The following TPP1 variants were observed in gnomAD, a reference collection of about 807,000 sequenced individuals.
TPP1 encodes the protein tripeptidyl-peptidase 1.
TPP1 carries 43 observed loss-of-function variants against 67.6 expected under a neutral mutation model. The ratio of observed to expected loss-of-function variants is 0.64; its 90% CI spans 0.50 to 0.82. TPP1 has a LOEUF of 0.82. Ranked by LOEUF, TPP1 falls within the 40% of genes least tolerant of loss-of-function variation. The pLI, the probability that TPP1 is intolerant of heterozygous loss-of-function variation, is 0.00. For synonymous variants in TPP1, 272 were observed against 281.5 expected (o/e 0.97, Z 0.34); for missense variants, 671 against 710.9 (o/e 0.94, Z 0.64).
chr11:6,618,579 C>T (rs1364432584), intron 3 of TPP1, 197 bp downstream of exon 3: 1 of 699,104 alleles, frequency 1.4e-6, no homozygotes, highest in African/African-American at 1.8e-5. Context: ...TGCCTGGTAG[C>T]TAGTAAGTAG....
chr11:6,615,961 T>G, intron 9 of TPP1, 44 bp downstream of exon 9: 1 of 1,599,520 alleles, frequency 6.3e-7, no homozygotes, highest in Non-Finnish European at 8.6e-7. Context: ...AGATCACAAG[T>G]GAAAGGTGGT....
intron 3 of TPP1, chr11:6,618,469 A>G (rs140431462): frequency 1.0e-3 from 579 of 574,740 alleles, no homozygotes; most frequent in Non-Finnish European, 1.5e-3. Flanking sequence ...GATTAATCCA[A>G]AGGCTCTTTG....
At chr11:6,614,746 C>T (rs1209693582) in intron 12 of TPP1, 60 bp from the exon 13 acceptor site, 1 of 1,613,782 alleles carries the variant, frequency 6.2e-7, no homozygotes, top group African/African-American at 1.3e-5. Flanking sequence ...AAGAGTATAT[C>T]TCCTCACCCT....
rs1282555591 is a variant in TPP1 at position 6,615,548 on chromosome 11, G to A, written c.1160C>T (p.Thr387Ile). The stretch of plus-strand genomic sequence containing the variant: ...TTCCTGGAAGGATGTGCCTCCCACT[G>A]TGGTGACATAGGGGCTGAGGGGAGA... ...TFPASSPYVTTVGGTSFQEPF... is the reference protein window; with the variant it reads ...TFPASSPYVTIVGGTSFQEPF... The change falls in exon 10 of 13, where the codon ACA becomes ATA. Residue 387 changes from threonine (T) to isoleucine (I), a missense_variant. By Grantham distance (89) the Thr-to-Ile change is moderately conservative (BLOSUM62 -1). Transcript: ENST00000299427. 6.2e-7 allele frequency: 1 copy of A among 1,614,174 alleles called. No individual in the cohort carries two copies. The highest frequency in any genetic ancestry group is 1.7e-5 in the Admixed American group (1 of 60,026).
chr11:6,616,166 G>T, intron 8 of TPP1, 92 bp from the exon 9 acceptor site: 1 of 1,583,730 alleles, frequency 6.3e-7, no homozygotes, highest in Non-Finnish European at 8.7e-7. Flanking sequence ...ACTGTAGGAG[G>T]TCAGAGTGTA....
Position 6,617,113 on chromosome 11 carries a change from C to T in TPP1, c.549G>A (p.Arg183=), listed in dbSNP as rs1855598829. The T allele has an allele frequency of 3.1e-6, 5 of 1,613,998 alleles. No individual in the cohort carries two copies. Among genetic ancestry groups the T allele is most frequent in the Non-Finnish European group, 4.2e-6 (5 of 1,180,020 alleles). ...LHRFPPTSSL[R]QRPEPQVTGT... is the part of the protein sequence containing the mutation. ...CTGTCACCTGCGGCTCAGGACGTTG[C>T]CTCAGGGATGATGTTGGGGGAAAAC... is the stretch of plus-strand genomic sequence containing the variant. Residue 183 remains arginine, a synonymous_variant, in exon 6 of 13, where the codon AGG becomes AGA. Transcript: ENST00000299427.
chr11:6,615,821 C>G, intron 9 of TPP1, 184 bp downstream of exon 9: 1 of 807,554 alleles, frequency 1.2e-6, no homozygotes, highest in South Asian at 1.5e-5. Flanking sequence ...GGAGCTGTAT[C>G]CCACACAAGA....
At chr11:6,615,037 T>C in intron 11 of TPP1, 46 bp from the exon 12 acceptor site, 1 of 1,613,706 alleles carries the variant, frequency 6.2e-7, no homozygotes, top group Non-Finnish European at 8.5e-7. Flanking sequence ...TCTGAGTGAT[T>C]GGACTTTTTG....
At chr11:6,618,043 A>G (rs1268078436) in intron 3 of TPP1, 6 of 542,680 alleles carry the variant, frequency 1.1e-5, no homozygotes, top group Non-Finnish European at 2.0e-5. Flanking sequence ...GATCATGAAA[A>G]TGAATGAGGT....
chr11:6,615,774 C>G, intron 9 of TPP1: 1 of 780,872 alleles, frequency 1.3e-6, no homozygotes, highest in Non-Finnish European at 2.1e-6. Context: ...CCAAATCTTC[C>G]ACTAAAATGC....
Position 6,616,455 on chromosome 11 carries a change from C to T in TPP1, c.935G>A (p.Ser312Asn). ...EPFLQWLMLLSNESALPHVHT... is the reference protein window; with the variant it reads ...EPFLQWLMLLNNESALPHVHT... The stretch of plus-strand genomic sequence containing the variant: ...CACATGTGGCAGGGCTGACTCATTA[C>T]TGAGCAGCATGAGCCACTGCAGGAA... Residue 312 changes from serine to asparagine, a missense_variant, in exon 8 of 13, where the codon AGT becomes AAT. Ser to Asn is a conservative substitution (Grantham distance 46). Transcript: ENST00000299427. 6.2e-7 allele frequency: 1 copy of T among 1,612,116 alleles called. No homozygotes were observed. The highest frequency in any genetic ancestry group is 1.1e-5 in the South Asian group (1 of 91,042).
Position 6,614,534 on chromosome 11 carries a change from G to A in TPP1, c.*12C>T, listed in dbSNP as rs368345241. 6.2e-7 allele frequency: 1 copy of A among 1,614,178 alleles called. No homozygotes were observed. Among genetic ancestry groups the A allele is most frequent in the East Asian group, 2.2e-5 (1 of 44,876 alleles). ...GGGCAGGGGACAAGCCATCTCTCCTGATAGGAAAGGGTCAGGGGTTGAGTA... is the reference window on the plus strand; with the variant it reads ...GGGCAGGGGACAAGCCATCTCTCCTAATAGGAAAGGGTCAGGGGTTGAGTA... On this transcript the variant is annotated 3_prime_UTR_variant, in exon 13 of 13. Coordinates refer to ENST00000299427, the MANE Select transcript of TPP1 (RefSeq NM_000391.4).
Position 6,619,414 on chromosome 11 carries a change from G to A in TPP1, c.-14C>T, listed in dbSNP as rs377697624. 2.5e-6 allele frequency: 4 copies of A among 1,614,058 alleles called. No individual in the cohort carries two copies. The highest frequency in any genetic ancestry group is 2.7e-5 in the African/African-American group (2 of 74,906). On this transcript the variant is annotated 5_prime_UTR_variant, in exon 1 of 13. Coordinates refer to ENST00000299427, the MANE Select transcript of TPP1 (RefSeq NM_000391.4). The stretch of plus-strand genomic sequence containing the variant: ...TTGGAGTCCCATTCTGCCCTTCCGC[G>A]GATCTGCTGTCATGTGACGGATCAC...
In TPP1 at chr11:6,616,043, AGAGAC is replaced by A; in HGVS notation, c.1102_1106del (p.Val368TrpfsTer33). 1 of 1,614,212 alleles carries A rather than the reference AGAGAC, an allele frequency of 6.2e-7. No individual in the cohort carries two copies. Among genetic ancestry groups the A allele is most frequent in the Non-Finnish European group, 8.5e-7 (1 of 1,180,030 alleles). On this transcript the variant is annotated frameshift_variant, in exon 9 of 13. Transcript: ENST00000299427. LOFTEE classifies it high-confidence loss of function. ...AGGTAGGGCGGAACTGGTGTCTTCC[AGAGAC>A]AGACCAACACCCGGCCCCACTGTCA... is the stretch of plus-strand genomic sequence containing the variant.
rs1855593568 is a variant in TPP1 at position 6,616,837 on chromosome 11, T to G, written c.710A>C (p.Asp237Ala). 1 of 1,613,032 alleles carries G rather than the reference T, an allele frequency of 6.2e-7. No individual in the cohort carries two copies. The highest frequency in any genetic ancestry group is 1.7e-5 in the Admixed American group (1 of 59,952). ...CAQFLEQYFH[D>A]SDLAQFMRLF... The stretch of plus-strand genomic sequence containing the variant: ...GCGCATGAACTGAGCCAGGTCTGAG[T>G]CATGGAAATACTGCTCCAGGAACTA... Residue 237 changes from aspartate to alanine, a missense_variant, in exon 7 of 13, where the codon GAC becomes GCC. Physicochemically the swap from Asp to Ala is moderately radical, Grantham distance 126. Transcript: ENST00000299427.
In TPP1 at chr11:6,614,285, T is replaced by C; in HGVS notation, c.*261A>G. ...CCTGATTGAAAAGAGAAAGATGAGA[T>C]GCGGAGGGAGAGGCATTCAAAAAAT... is the stretch of plus-strand genomic sequence containing the variant. On this transcript the variant is annotated 3_prime_UTR_variant, in exon 13 of 13. Transcript: ENST00000299427. The C allele has an allele frequency of 1.8e-6, 1 of 545,260 alleles. No homozygotes were observed. The highest frequency in any genetic ancestry group is 2.1e-5 in the South Asian group (1 of 48,208). 33.8% of individuals were successfully genotyped at this position (545,260 alleles called of 1,614,324 possible). A position where few individuals can be genotyped will look rare whatever the true frequency, so the allele number is the denominator to read the frequency against.
chr11:6,618,979 G>T (rs187203863), intron 2 of TPP1, 64 bp from the exon 3 acceptor site: 1 of 1,603,006 alleles, frequency 6.2e-7, no homozygotes, highest in African/African-American at 1.3e-5. Context: ...ATTGGTCATG[G>T]AAGGTTCCAG....
chr11:6,615,293 G>A lies in TPP1; in HGVS notation c.1303C>T (p.His435Tyr). The change falls in exon 11 of 13, where the codon CAC becomes TAC. Residue 435 changes from histidine to tyrosine, a missense_variant. By Grantham distance (83) the His-to-Tyr change is moderately conservative. Coordinates refer to ENST00000299427, the MANE Select transcript of TPP1 (RefSeq NM_000391.4). ...AVTKFLSSSP[H>Y]LPPSSYFNAS... ...TTGAAGTAACTGGATGGTGGCAGGT[G>A]GGGGCTAGAGCTCAGGAACTTCGTT... 6.2e-7 allele frequency: 1 copy of A among 1,614,198 alleles called. No individual in the cohort carries two copies. Among genetic ancestry groups the A allele is most frequent in the Non-Finnish European group, 8.5e-7 (1 of 1,180,040 alleles).
chr11:6,615,320 C>A lies in TPP1; in HGVS notation c.1276G>T (p.Val426Leu). The A allele has an allele frequency of 4.3e-6, 7 of 1,614,194 alleles. No individual in the cohort carries two copies. Among genetic ancestry groups the A allele is most frequent in the Non-Finnish European group, 5.9e-6 (7 of 1,180,042 alleles). Residue 426 changes from valine (V) to leucine (L), a missense_variant, in exon 11 of 13, where the codon GTA becomes TTA. Transcript: ENST00000299427. ...FPRPSYQEEA[V>L]TKFLSSSPHL... ...GGGCTAGAGCTCAGGAACTTCGTTA[C>A]AGCTTCCTCCTGAAAGGCATTTTTG...
Sources: allele counts gnomAD v4.1 joint callset, GRCh38; gene constraint gnomAD v4.1.1; transcripts MANE v1.5; gene names NCBI Gene and HGNC (gene_info 2026-07-23, HGNC 2026-07-21).